The following CFAP299 variants were observed in gnomAD, a reference collection of about 807,000 sequenced individuals.
CFAP299 encodes cilia and flagella associated protein 299.
CFAP299 carries 21 observed loss-of-function variants against 27.0 expected under a neutral mutation model. That is an observed-to-expected ratio of 0.78 (90% CI 0.55 to 1.12). CFAP299 has a LOEUF of 1.12. Among genes scored for constraint, CFAP299 ranks in the 50% most tolerant of loss-of-function variants. The pLI is 0.00. For synonymous variants in CFAP299, 104 were observed against 98.1 expected, an observed-to-expected ratio of 1.06 and a Z score of -0.36; for missense variants, 310 against 276.6, an observed-to-expected ratio of 1.12 and a Z score of -0.86.
intron 3 of CFAP299, among the ~76,000 whole-genome samples, chr4:80,786,136 T>A (rs1727233308): frequency 6.6e-6 from 1 of 152,146 alleles, no homozygotes; most frequent in Admixed American, 6.6e-5. Context: ...AAGATACTTG[T>A]GATAGACATG....
the CFAP299 span, among the ~76,000 whole-genome samples, chr4:80,325,553 T>C: frequency 6.6e-6 from 1 of 152,250 alleles, no homozygotes; most frequent in Non-Finnish European, 1.5e-5. Flanking sequence ...ATGACAACAG[T>C]TAATGTCCTT....
At chr4:80,699,786 G>C (rs939761165) in intron 3 of CFAP299, among the ~76,000 whole-genome samples, 6 of 152,084 alleles carry the variant, frequency 3.9e-5, no homozygotes, top group Non-Finnish European at 8.8e-5. Context: ...TGGAATCACT[G>C]TTTTCCTGCA....
At chr4:80,691,529 T>C (rs1397451260) in intron 3 of CFAP299, among the ~76,000 whole-genome samples, 1 of 152,160 alleles carries the variant, frequency 6.6e-6, no homozygotes, top group African/African-American at 2.4e-5. Context: ...AATTAGGTAT[T>C]GATGGGACGT....
intron 2 of CFAP299, among the ~76,000 whole-genome samples, chr4:80,579,724 A>C (rs1435193434): frequency 6.6e-6 from 1 of 152,120 alleles, no homozygotes; most frequent in Non-Finnish European, 1.5e-5. Flanking sequence ...ATAAAACAGT[A>C]AGTTGCAAAA....
chr4:80,322,694 G>A, the CFAP299 span, among the ~76,000 whole-genome samples: 2 of 152,170 alleles, frequency 1.3e-5, no homozygotes, highest in African/African-American at 2.4e-5. Context: ...GTAGGAAAAG[G>A]TAGGAATAGG....
chr4:80,343,828 C>G (rs1722595905), intron 1 of CFAP299, among the ~76,000 whole-genome samples: 1 of 135,772 alleles, frequency 7.4e-6, no homozygotes, highest in African/African-American at 2.8e-5. Context: ...AAAAAGAACT[C>G]AAGACTATGA....
At chr4:80,497,011 A>G (rs1366059811) in intron 2 of CFAP299, among the ~76,000 whole-genome samples, 1 of 152,210 alleles carries the variant, frequency 6.6e-6, no homozygotes, top group African/African-American at 2.4e-5. Flanking sequence ...GCTAAACCAT[A>G]CATGAGGTAT....
chr4:80,849,758 A>G (rs77055136), intron 3 of CFAP299, among the ~76,000 whole-genome samples: 5,199 of 152,180 alleles, frequency 0.034, 147 homozygotes, highest in African/African-American at 0.083. Context: ...TGGTCAGCAG[A>G]TATAAAGTTG....
intron 3 of CFAP299, among the ~76,000 whole-genome samples, chr4:80,584,020 A>G (rs1175431074): frequency 6.6e-6 from 1 of 151,966 alleles, no homozygotes; most frequent in Non-Finnish European, 1.5e-5. Flanking sequence ...CAAAACCCTC[A>G]ATGTAGTTCA....
intron 3 of CFAP299, among the ~76,000 whole-genome samples, chr4:80,864,105 A>G (rs2110161836): frequency 6.6e-6 from 1 of 152,160 alleles, no homozygotes; most frequent in East Asian, 1.9e-4. Flanking sequence ...AACTCCATAA[A>G]TTTACCAAAA....
chr4:80,825,085 C>T (rs1485200586), intron 3 of CFAP299, among the ~76,000 whole-genome samples: 1 of 151,430 alleles, frequency 6.6e-6, no homozygotes. Flanking sequence ...TAAAAAGAAA[C>T]CAACAAGATG....
chr4:80,336,418 G>T (rs1042022813), intron 1 of CFAP299: 2 of 154,348 alleles, frequency 1.3e-5, no homozygotes, highest in African/African-American at 4.8e-5. Flanking sequence ...CGCATTACAG[G>T]TAGTTGTGCA....
chr4:80,405,485 C>G (rs1726369546), intron 2 of CFAP299, among the ~76,000 whole-genome samples: 1 of 152,044 alleles, frequency 6.6e-6, no homozygotes, highest in South Asian at 2.1e-4. Flanking sequence ...TGAGGTCACT[C>G]AAATATATAA....
chr4:80,433,919 C>T (rs1283213367), intron 2 of CFAP299, among the ~76,000 whole-genome samples: 1 of 152,132 alleles, frequency 6.6e-6, no homozygotes, highest in Non-Finnish European at 1.5e-5. Flanking sequence ...ATGTGTCATA[C>T]TTAAAAAGTC....
chr4:80,612,259 A>G (rs1418701588), intron 3 of CFAP299, among the ~76,000 whole-genome samples: 2 of 152,058 alleles, frequency 1.3e-5, no homozygotes, highest in African/African-American at 4.8e-5. Flanking sequence ...CTTCAGGAGA[A>G]AAATAAAATA....
chr4:80,832,912 T>A (rs1730372834), intron 3 of CFAP299, among the ~76,000 whole-genome samples: 1 of 152,132 alleles, frequency 6.6e-6, no homozygotes, highest in Non-Finnish European at 1.5e-5. Context: ...GATATCGAAA[T>A]TTTAAAATTC....
At chr4:80,598,286 A>G (rs1160996146) in intron 3 of CFAP299, among the ~76,000 whole-genome samples, 3 of 152,210 alleles carry the variant, frequency 2.0e-5, no homozygotes, top group Admixed American at 2.0e-4. Flanking sequence ...GTGTACTAGT[A>G]TGGAACACAG....
intron 3 of CFAP299, among the ~76,000 whole-genome samples, chr4:80,684,321 T>C (rs932579650): frequency 4.0e-5 from 6 of 151,844 alleles, no homozygotes; most frequent in African/African-American, 1.5e-4. Flanking sequence ...CTGAGTGCAG[T>C]GGTGCGATCT....
intron 3 of CFAP299, among the ~76,000 whole-genome samples, chr4:80,663,550 G>T (rs1740979039): frequency 6.6e-6 from 1 of 152,170 alleles, no homozygotes; most frequent in African/African-American, 2.4e-5. Context: ...GGACATTTGG[G>T]TTGGTTCCAA....
Sources: allele counts gnomAD v4.1 joint callset (sites outside exome capture counted in the v4.1 genomes callset), GRCh38; gene constraint gnomAD v4.1.1; transcripts MANE v1.5; gene names NCBI Gene and HGNC (gene_info 2026-07-23, HGNC 2026-07-21).